KCNMA1: variants seen among roughly 807,000 people sequenced by gnomAD.
KCNMA1 encodes Calcium-activated potassium channel subunit alpha-1.
Under a neutral mutation model 140.0 loss-of-function variants are expected in KCNMA1, and 29 were observed. That is an observed-to-expected ratio of 0.21 (90% CI 0.15 to 0.28). The LOEUF is 0.28. Among genes scored for constraint, KCNMA1 ranks in the 10% least tolerant of loss-of-function variants. The pLI is 1.00. For synonymous variants in KCNMA1, 612 were observed against 611.9 expected, an observed-to-expected ratio of 1.00 and a Z score of 0.00; for missense variants, 880 against 1,602.2, an observed-to-expected ratio of 0.55 and a Z score of 7.70.
At chr10:77,325,185 A>G (rs1270037420) in intron 2 of KCNMA1, among the ~76,000 whole-genome samples, 1 of 152,168 alleles carries the variant, frequency 6.6e-6, no homozygotes, top group Non-Finnish European at 1.5e-5. Context: ...TTACAGAACA[A>G]TAAACAGATT....
rs76119788 is a variant in KCNMA1, at chr10:76,957,899, T to C, written c.2361-3975A>G. Among the ~76,000 whole-genome samples the C allele has an allele frequency of 2.2e-3, 340 of 152,310 alleles. 4 individuals carry two copies. Among genetic ancestry groups the C allele is most frequent in the African/African-American group, 7.8e-3 (325 of 41,570 alleles). ...CCAGCAACAATAGAGTCTGTAACTGTTTCTGGCCAGACAGTATAAATTTCT... is the reference window on the plus strand; with the variant it reads ...CCAGCAACAATAGAGTCTGTAACTGCTTCTGGCCAGACAGTATAAATTTCT... On this transcript the variant is annotated intron_variant, in intron 20 of 27. Transcript: ENST00000286628.
At chr10:77,490,979 C>A (rs1007535822) in intron 1 of KCNMA1, among the ~76,000 whole-genome samples, 2 of 152,164 alleles carry the variant, frequency 1.3e-5, no homozygotes, top group African/African-American at 2.4e-5. Flanking sequence ...ACTGTAGGAG[C>A]CAGGCCCACA....
chr10:77,193,538 A>C (rs1347585637), intron 3 of KCNMA1, among the ~76,000 whole-genome samples: 1 of 152,216 alleles, frequency 6.6e-6, no homozygotes, highest in African/African-American at 2.4e-5. Flanking sequence ...TGATTCAAAT[A>C]GCACTAAATG....
chr10:77,605,210 T>G (rs2154566957), intron 1 of KCNMA1, among the ~76,000 whole-genome samples: 1 of 152,314 alleles, frequency 6.6e-6, no homozygotes, highest in Admixed American at 6.5e-5. Context: ...AGAAGGGCCC[T>G]GTGTTGGGTG....
intron 2 of KCNMA1, among the ~76,000 whole-genome samples, chr10:77,385,141 G>C (rs2095557492): frequency 6.6e-6 from 1 of 152,138 alleles, no homozygotes; most frequent in Non-Finnish European, 1.5e-5. Context: ...ACCCAACAGA[G>C]AGCCTGGTCT....
chr10:77,156,064 A>G (rs2098479791), intron 5 of KCNMA1, among the ~76,000 whole-genome samples: 1 of 151,942 alleles, frequency 6.6e-6, no homozygotes, highest in Non-Finnish European at 1.5e-5. Flanking sequence ...CGTCTGTACT[A>G]AAAATACAAA....
chr10:77,125,465 G>A (rs1035648817), intron 5 of KCNMA1, among the ~76,000 whole-genome samples: 2 of 152,130 alleles, frequency 1.3e-5, no homozygotes, highest in Non-Finnish European at 2.9e-5. Context: ...AATGCTGTTT[G>A]CCAGATGCCC....
chr10:77,221,815 C>A (rs1286140536), intron 3 of KCNMA1, among the ~76,000 whole-genome samples: 1 of 152,140 alleles, frequency 6.6e-6, no homozygotes. Context: ...CAGCATTAAG[C>A]ATTAAAGGAC....
chr10:76,874,152 G>A (rs556507332), downstream of KCNMA1: 3 of 152,206 alleles, frequency 2.0e-5, no homozygotes, highest in African/African-American at 7.2e-5. Flanking sequence ...CGTGATGCAG[G>A]TGTGTCCAAA....
chr10:77,208,237 C>G (rs1345443425), intron 3 of KCNMA1, among the ~76,000 whole-genome samples: 2 of 152,154 alleles, frequency 1.3e-5, no homozygotes, highest in African/African-American at 4.8e-5. Flanking sequence ...TTCCAATTTC[C>G]CAGGGTTTGT....
At chr10:77,091,190 CG>C (rs1177309278) in intron 9 of KCNMA1, 1 of 153,512 alleles carries the variant, frequency 6.5e-6, no homozygotes, top group Non-Finnish European at 1.4e-5. Context: ...GCTGGCTGTG[CG>C]TCCCCAGAGG....
At chr10:77,396,486 AT>A (rs2096060960) in intron 2 of KCNMA1, among the ~76,000 whole-genome samples, 1 of 152,224 alleles carries the variant, frequency 6.6e-6, no homozygotes, top group African/African-American at 2.4e-5. Flanking sequence ...GTGTGTGCCC[AT>A]GTGTACTCCC....
chr10:77,446,643 C>A (rs576661152), intron 1 of KCNMA1, among the ~76,000 whole-genome samples: 13 of 152,332 alleles, frequency 8.5e-5, no homozygotes, highest in African/African-American at 3.1e-4. Flanking sequence ...GGAGGACAAC[C>A]AACAAAGGCC....
intron 19 of KCNMA1, among the ~76,000 whole-genome samples, chr10:76,985,362 G>T (rs1039816056): frequency 6.6e-6 from 1 of 152,174 alleles, no homozygotes; most frequent in Admixed American, 6.5e-5. Context: ...GAATTTCGAT[G>T]TACTAAGAAA....
chr10:77,402,349 C>T (rs991197052), intron 2 of KCNMA1, among the ~76,000 whole-genome samples: 3 of 152,220 alleles, frequency 2.0e-5, no homozygotes, highest in Admixed American at 6.5e-5. Flanking sequence ...TCACACCAGA[C>T]TGAATTGTCT....
At chr10:76,883,694 A>G (rs956078487), downstream of KCNMA1, among the ~76,000 whole-genome samples, 19 of 149,276 alleles carry the variant, frequency 1.3e-4, no homozygotes, top group African/African-American at 4.7e-4. Context: ...TTTTCAAAGA[A>G]CTCTCACTTT....
intron 20 of KCNMA1, among the ~76,000 whole-genome samples, chr10:76,959,475 G>A (rs1292809864): frequency 2.0e-5 from 3 of 152,190 alleles, no homozygotes; most frequent in Admixed American, 2.0e-4. Context: ...TTAATCATTA[G>A]CATTATTCAA....
chr10:76,874,608 G>GGGA, downstream of KCNMA1: 1 of 152,230 alleles, frequency 6.6e-6, no homozygotes, highest in Admixed American at 6.5e-5. Context: ...AATTTCTTAT[G>GGGA]CTTTTTCACT....
At chr10:76,906,190 G>A (rs1269146816) in intron 25 of KCNMA1, among the ~76,000 whole-genome samples, 1 of 148,540 alleles carries the variant, frequency 6.7e-6, no homozygotes, top group East Asian at 1.9e-4. Context: ...CTTAAGTTGG[G>A]GCTGGGGTTG....
Sources: gnomAD v4.1 joint callset for allele counts (sites outside exome capture counted in the v4.1 genomes callset) on GRCh38, gnomAD v4.1.1 for gene constraint, MANE v1.5 for transcripts, NCBI Gene and HGNC (gene_info 2026-07-23, HGNC 2026-07-21) for gene names.